Variants in ASIC2 observed in about 807,000 individuals in gnomAD.
ASIC2 encodes the protein acid sensing ion channel subunit 2, also known as acid-sensing ion channel 2.
ASIC2 carries 25 observed loss-of-function variants against 57.3 expected under a neutral mutation model. The observed-to-expected ratio is 0.44, with a 90% CI of 0.32 to 0.61. The LOEUF (loss-of-function observed/expected upper bound fraction) is 0.61. Ranked by LOEUF, ASIC2 falls within the 20% of genes least tolerant of loss-of-function variation. The pLI, the probability that ASIC2 is intolerant of heterozygous loss-of-function variation, is 0.06. For synonymous variants in ASIC2, 319 were observed against 307.5 expected (o/e 1.04, Z -0.39); for missense variants, 641 against 738.1 (o/e 0.87, Z 1.52).
chr17:33,232,242 GAGA>G (rs1359005593), intron 1 of ASIC2, among the ~76,000 whole-genome samples: 1 of 152,142 alleles, frequency 6.6e-6, no homozygotes, highest in African/African-American at 2.4e-5. Context: ...AGGACACAGT[GAGA>G]AGGAGGCCCT....
chr17:33,462,070 G>A lies in ASIC2; in HGVS notation c.556-350003C>T, dbSNP rs143845736. The stretch of plus-strand genomic sequence containing the variant: ...CGCGTATTTCATGATATTCAGGTAA[G>A]CATTTTGACAGAGTTAATCACAGGG... On this transcript the variant is annotated intron_variant, in intron 1 of 9. Transcript: ENST00000359872. Among the ~76,000 whole-genome samples the A allele has an allele frequency of 2.6e-4, 40 of 152,314 alleles. No homozygotes were observed. The East Asian group carries it at 7.5e-3, about 29-fold the overall frequency.
chr17:34,078,442 C>T (rs1389280184), intron 1 of ASIC2, among the ~76,000 whole-genome samples: 3 of 151,952 alleles, frequency 2.0e-5, no homozygotes, highest in African/African-American at 4.8e-5. Context: ...AGACTCTACC[C>T]ACTCTCTACT....
chr17:33,799,427 C>CTTCTTTCTTTCTTTCTTTCTTCT (rs1912044168), intron 1 of ASIC2, among the ~76,000 whole-genome samples: 1 of 84,060 alleles, frequency 1.2e-5, no homozygotes, highest in Non-Finnish European at 2.4e-5. Flanking sequence ...TTCTTTCTTT[C>CTTCTTTCTTTCTTTCTTTCTTCT]TTCTTTCTTT....
intron 1 of ASIC2, among the ~76,000 whole-genome samples, chr17:34,124,792 G>A (rs1911728876): frequency 6.6e-6 from 1 of 151,838 alleles, no homozygotes; most frequent in East Asian, 1.9e-4. Flanking sequence ...CTGTAATGAC[G>A]CTAATGCCGT....
intron 1 of ASIC2, among the ~76,000 whole-genome samples, chr17:33,398,680 A>T (rs1278233828): frequency 6.6e-6 from 1 of 152,124 alleles, no homozygotes; most frequent in African/African-American, 2.4e-5. Context: ...CTCAGAGTCT[A>T]TGGAGTTTTT....
At chr17:33,599,095 G>T (rs536286886) in intron 1 of ASIC2, among the ~76,000 whole-genome samples, 10 of 152,338 alleles carry the variant, frequency 6.6e-5, no homozygotes, top group African/African-American at 2.2e-4. Flanking sequence ...ATGGAGCCTT[G>T]ATATCTGCAC....
At chr17:33,512,407 A>C (rs1197979943) in intron 1 of ASIC2, among the ~76,000 whole-genome samples, 1 of 152,238 alleles carries the variant, frequency 6.6e-6, no homozygotes, top group East Asian at 1.9e-4. Context: ...CCTGTCCCTT[A>C]GCATCAGTTG....
intron 1 of ASIC2, among the ~76,000 whole-genome samples, chr17:33,874,956 C>G (rs1342109798): frequency 6.6e-6 from 1 of 152,216 alleles, no homozygotes; most frequent in African/African-American, 2.4e-5. Context: ...CTGCCCTCCC[C>G]CATCTTGTCC....
At chr17:33,595,651 C>G (rs1439586748) in intron 1 of ASIC2, among the ~76,000 whole-genome samples, 1 of 152,176 alleles carries the variant, frequency 6.6e-6, no homozygotes, top group Non-Finnish European at 1.5e-5. Flanking sequence ...ATTTTATGAC[C>G]AAGAGATATT....
At chr17:33,276,432 G>A (rs562513687) in intron 1 of ASIC2, among the ~76,000 whole-genome samples, 4 of 152,234 alleles carry the variant, frequency 2.6e-5, no homozygotes, top group African/African-American at 9.6e-5. Flanking sequence ...TTATTGGCAC[G>A]GCTCCCTTAA....
At chr17:33,456,460 C>A (rs1256226195) in intron 1 of ASIC2, among the ~76,000 whole-genome samples, 1 of 152,156 alleles carries the variant, frequency 6.6e-6, no homozygotes, top group Admixed American at 6.6e-5. Flanking sequence ...ATAATGACAA[C>A]CCTCGGAGCT....
intron 1 of ASIC2, among the ~76,000 whole-genome samples, chr17:33,216,864 A>C (rs1229445296): frequency 6.6e-6 from 1 of 152,214 alleles, no homozygotes; most frequent in African/African-American, 2.4e-5. Context: ...GTGGGTGAGC[A>C]TAGAGAGAAC....
intron 1 of ASIC2, among the ~76,000 whole-genome samples, chr17:34,008,357 G>A (rs1906598948): frequency 6.6e-6 from 1 of 152,158 alleles, no homozygotes; most frequent in Admixed American, 6.5e-5. Flanking sequence ...GCTTGGCACT[G>A]AGTTACAGCT....
At chr17:33,760,660 T>C (rs1009786117) in intron 1 of ASIC2, among the ~76,000 whole-genome samples, 3 of 152,060 alleles carry the variant, frequency 2.0e-5, no homozygotes, top group Admixed American at 2.0e-4. Context: ...TATGTGGGTG[T>C]GTGTGTATAT....
intron 1 of ASIC2, among the ~76,000 whole-genome samples, chr17:33,148,570 C>T (rs1441659432): frequency 6.6e-6 from 1 of 152,104 alleles, no homozygotes; most frequent in South Asian, 2.1e-4. Context: ...CATGGCTGTG[C>T]CATTTACTTA....
chr17:33,591,719 T>A (rs1904832508), intron 1 of ASIC2, among the ~76,000 whole-genome samples: 1 of 152,210 alleles, frequency 6.6e-6, no homozygotes, highest in Non-Finnish European at 1.5e-5. Context: ...CTGATGCCCT[T>A]GTCTCAAAGT....
In ASIC2 at chr17:33,375,993, C is replaced by T. The variant is rs531668881; in HGVS notation, c.556-263926G>A. 9.9e-5 allele frequency among the ~76,000 whole-genome samples: 15 copies of T among 152,164 alleles called. No individual in the cohort carries two copies. The East Asian group carries it at 2.5e-3, about 25-fold the overall frequency. ...TGTCTGTTAGACATCTGAATGGAGA[C>T]GTTGAATAGGCAGTTAAGTTTATGA... On this transcript the variant is annotated intron_variant, in intron 1 of 9. Coordinates refer to the ASIC2 transcript ENST00000359872.
At chr17:33,771,542 C>A (rs2142120746) in intron 1 of ASIC2, among the ~76,000 whole-genome samples, 1 of 152,176 alleles carries the variant, frequency 6.6e-6, no homozygotes, top group South Asian at 2.1e-4. Flanking sequence ...ACAGAACTTA[C>A]ATTAGTGTTT....
At chr17:33,544,575 C>T (rs142281346) in intron 1 of ASIC2, among the ~76,000 whole-genome samples, 13 of 152,250 alleles carry the variant, frequency 8.5e-5, no homozygotes, top group African/African-American at 3.1e-4. Context: ...TCATTCTGAG[C>T]CGGGAGGTTG....
Sources: gnomAD v4.1 joint callset for allele counts (sites outside exome capture counted in the v4.1 genomes callset) on GRCh38, gnomAD v4.1.1 for gene constraint, MANE v1.5 for transcripts, NCBI Gene and HGNC (gene_info 2026-07-23, HGNC 2026-07-21) for gene names.